SLC44A5: variants seen among roughly 807,000 people sequenced by gnomAD.
SLC44A5 encodes the protein choline transporter-like protein 5.
SLC44A5 carries 57 observed loss-of-function variants against 101.8 expected under a neutral mutation model. The ratio of observed to expected loss-of-function variants is 0.56; its 90% CI spans 0.45 to 0.70. The LOEUF (loss-of-function observed/expected upper bound fraction) is 0.70. Among genes scored for constraint, SLC44A5 ranks in the 30% least tolerant of loss-of-function variants. The pLI is 0.00. For missense variants in SLC44A5, 737 were observed against 853.1 expected, an observed-to-expected ratio of 0.86 and a Z score of 1.70; for synonymous variants, 281 against 290.9, an observed-to-expected ratio of 0.97 and a Z score of 0.35.
chr1:75,695,352 T>C, the SLC44A5 span, among the ~76,000 whole-genome samples: 2 of 152,194 alleles, frequency 1.3e-5, no homozygotes, highest in South Asian at 2.1e-4. Context: ...ATATATCAGA[T>C]AACGCCAAGT....
chr1:75,541,773 T>C (rs1194599901), intron 1 of SLC44A5, among the ~76,000 whole-genome samples: 1 of 152,156 alleles, frequency 6.6e-6, no homozygotes, highest in Non-Finnish European at 1.5e-5. Context: ...CTTATATTTA[T>C]CTTTTATCTA....
intron 1 of SLC44A5, among the ~76,000 whole-genome samples, chr1:75,597,283 C>T (rs534994007): frequency 8.6e-5 from 13 of 151,966 alleles, no homozygotes; most frequent in African/African-American, 3.1e-4. Context: ...CAAAACACTG[C>T]TCAAAGAAAT....
At chr1:75,207,272 C>T (rs1184211965) in intron 23 of SLC44A5, among the ~76,000 whole-genome samples, 1 of 152,138 alleles carries the variant, frequency 6.6e-6, no homozygotes, top group African/African-American at 2.4e-5. Flanking sequence ...CCTAGTTTTG[C>T]TCTTGTTCTA....
chr1:75,287,127 T>A (rs574790311), intron 5 of SLC44A5, among the ~76,000 whole-genome samples: 14 of 152,192 alleles, frequency 9.2e-5, no homozygotes, highest in African/African-American at 2.6e-4. Flanking sequence ...TTGGAGGCTT[T>A]GTTTTTTTTT....
chr1:75,560,989 C>G (rs1216750640), intron 1 of SLC44A5, among the ~76,000 whole-genome samples: 1 of 152,118 alleles, frequency 6.6e-6, no homozygotes, highest in Non-Finnish European at 1.5e-5. Context: ...AGGTTAAAAA[C>G]TACCTCTGAT....
At chr1:75,597,535 C>T (rs1397589444) in intron 1 of SLC44A5, among the ~76,000 whole-genome samples, 2 of 152,032 alleles carry the variant, frequency 1.3e-5, no homozygotes, top group Non-Finnish European at 2.9e-5. Context: ...TCATGCTACC[C>T]AACTTCAAAC....
chr1:75,661,885 T>C, the SLC44A5 span, among the ~76,000 whole-genome samples: 1 of 152,172 alleles, frequency 6.6e-6, no homozygotes, highest in South Asian at 2.1e-4. Context: ...GGAATGCTCG[T>C]GCATGGTTGG....
intron 23 of SLC44A5, among the ~76,000 whole-genome samples, chr1:75,208,560 A>G (rs1646793624): frequency 6.6e-6 from 1 of 152,182 alleles, no homozygotes; most frequent in Non-Finnish European, 1.5e-5. Flanking sequence ...GTGTATGATA[A>G]GTGCTTAGTT....
At chr1:75,517,276 A>C (rs1172915320) in intron 2 of SLC44A5, among the ~76,000 whole-genome samples, 1 of 152,130 alleles carries the variant, frequency 6.6e-6, no homozygotes, top group Non-Finnish European at 1.5e-5. Flanking sequence ...AGGAGAGCTA[A>C]GGTGAAACAC....
At chr1:75,589,959 C>G (rs1674252192) in intron 1 of SLC44A5, among the ~76,000 whole-genome samples, 1 of 152,130 alleles carries the variant, frequency 6.6e-6, no homozygotes, top group Admixed American at 6.5e-5. Context: ...GTCTTCGTCT[C>G]TAAGTAAATG....
At chr1:75,666,845 A>T in the SLC44A5 span, among the ~76,000 whole-genome samples, 1 of 152,200 alleles carries the variant, frequency 6.6e-6, no homozygotes, top group Non-Finnish European at 1.5e-5. Context: ...CCACATTATT[A>T]TCTCAATAGA....
At chr1:75,476,314 C>T (rs532342986) in intron 2 of SLC44A5, among the ~76,000 whole-genome samples, 26 of 152,288 alleles carry the variant, frequency 1.7e-4, no homozygotes, top group African/African-American at 4.1e-4. Flanking sequence ...CAGCTCCCAG[C>T]GTGAGTGACG....
chr1:75,626,243 T>C, the SLC44A5 span, among the ~76,000 whole-genome samples: 1 of 152,256 alleles, frequency 6.6e-6, no homozygotes, highest in African/African-American at 2.4e-5. Flanking sequence ...TAGATGTGTG[T>C]TTTGTAACAA....
rs1662126944 is a variant in SLC44A5, at chr1:75,396,455, T to C, written c.52+128A>G. The C allele has an allele frequency of 5.1e-6, 4 of 779,818 alleles. No homozygotes were observed. The Admixed American group carries it at 9.3e-5, about 18-fold the overall frequency. 48.3% of individuals were successfully genotyped at this position (779,818 alleles called of 1,614,324 possible). ...TTGAAAGAAGAATCCAAAAAAAGCT[T>C]CAGTCAGCAATTATTCTTTACCAAA... On this transcript the variant is annotated intron_variant, in intron 3 of 23. Transcript: ENST00000370859.
At chr1:75,325,722 T>C (rs1656534366) in intron 4 of SLC44A5, among the ~76,000 whole-genome samples, 1 of 150,444 alleles carries the variant, frequency 6.6e-6, no homozygotes, top group African/African-American at 2.5e-5. Flanking sequence ...GCATAGCATA[T>C]GTTTCAAGCA....
At chr1:75,537,034 A>AAAAAAAAATATATATATATG (rs1553199990) in intron 2 of SLC44A5, among the ~76,000 whole-genome samples, 2 of 18,656 alleles carry the variant, frequency 1.1e-4, no homozygotes, top group African/African-American at 2.1e-4. Context: ...AAAAAAAAAA[A>AAAAAAAAATATATATATATG]TATATATCTA....
chr1:75,255,778 GA>G (rs1177943990), intron 6 of SLC44A5, among the ~76,000 whole-genome samples: 1 of 152,066 alleles, frequency 6.6e-6, no homozygotes, highest in Non-Finnish European at 1.5e-5. Flanking sequence ...TTTCTAAAAG[GA>G]AAATACTTAT....
chr1:75,307,950 G>C (rs941892655), intron 4 of SLC44A5, among the ~76,000 whole-genome samples: 1 of 152,108 alleles, frequency 6.6e-6, no homozygotes, highest in Non-Finnish European at 1.5e-5. Flanking sequence ...ACATGAACCT[G>C]TATTTTCAGG....
intron 1 of SLC44A5, among the ~76,000 whole-genome samples, chr1:75,585,018 A>T (rs1673915567): frequency 6.6e-6 from 1 of 152,200 alleles, no homozygotes; most frequent in Admixed American, 6.5e-5. Context: ...TAGTGGTTCA[A>T]AAAAGCTAAA....
Sources: gnomAD v4.1 joint callset for allele counts (sites outside exome capture counted in the v4.1 genomes callset) on GRCh38, gnomAD v4.1.1 for gene constraint, MANE v1.5 for transcripts, NCBI Gene and HGNC (gene_info 2026-07-23, HGNC 2026-07-21) for gene names.